Variants in DENND2B observed in about 807,000 individuals in gnomAD.
The protein encoded by DENND2B is DENN domain-containing protein 2B.
In DENND2B, 32 loss-of-function variants were observed where a neutral mutation model predicts 116.0. That is an observed-to-expected ratio of 0.28 (90% confidence interval 0.21 to 0.37). DENND2B has a LOEUF of 0.37. Ranked by LOEUF, DENND2B falls within the 10% of genes least tolerant of loss-of-function variation. The pLI is 1.00. For synonymous variants in DENND2B, 588 were observed against 583.9 expected, an observed-to-expected ratio of 1.01 and a Z score of -0.10; for missense variants, 1,276 against 1,477.7, an observed-to-expected ratio of 0.86 and a Z score of 2.24.
intron 1 of DENND2B, among the ~76,000 whole-genome samples, chr11:8,796,204 C>A (rs1417945054): frequency 6.6e-6 from 1 of 152,102 alleles, no homozygotes; most frequent in Non-Finnish European, 1.5e-5. Context: ...GAATCCCGGG[C>A]CTTCACTACT....
intron 2 of DENND2B, 33 bp from the exon 3 acceptor site, chr11:8,731,242 G>T (rs1369705002): frequency 1.4e-6 from 2 of 1,452,870 alleles, no homozygotes; most frequent in Non-Finnish European, 1.8e-6. Flanking sequence ...GAAAAGAAAA[G>T]AAAATGGCAG....
At chr11:8,813,231 T>C (rs960970315), upstream of DENND2B, among the ~76,000 whole-genome samples, 2 of 152,090 alleles carry the variant, frequency 1.3e-5, no homozygotes, top group Non-Finnish European at 2.9e-5. Flanking sequence ...TAGGAAAGTG[T>C]TATAAAATCC....
intron 3 of DENND2B, among the ~76,000 whole-genome samples, chr11:8,857,053 C>T (rs148107015): frequency 2.0e-5 from 3 of 152,198 alleles, no homozygotes; most frequent in Non-Finnish European, 4.4e-5. Flanking sequence ...GCACTTAGCC[C>T]CATCACTATT....
At chr11:8,790,394 C>T (rs1468065100) in intron 1 of DENND2B, among the ~76,000 whole-genome samples, 1 of 152,284 alleles carries the variant, frequency 6.6e-6, no homozygotes, top group African/African-American at 2.4e-5. Flanking sequence ...TATGTCTGTG[C>T]GCTGGTCCTG....
At chr11:8,770,851 G>A (rs1041838357) in intron 1 of DENND2B, among the ~76,000 whole-genome samples, 1 of 152,128 alleles carries the variant, frequency 6.6e-6, no homozygotes, top group Non-Finnish European at 1.5e-5. Context: ...CCACTGCACA[G>A]ACTCTATCTT....
intron 1 of DENND2B, among the ~76,000 whole-genome samples, chr11:8,762,226 G>A (rs569995162): frequency 6.6e-6 from 1 of 152,040 alleles, no homozygotes; most frequent in South Asian, 2.1e-4. Flanking sequence ...TTATAACTCT[G>A]GCCCCATTTC....
chr11:8,771,669 C>T (rs1369303205), intron 1 of DENND2B: 1 of 151,670 alleles, frequency 6.6e-6, no homozygotes, highest in African/African-American at 2.4e-5. Flanking sequence ...GTCCCTCTAC[C>T]ATACCTGAAT....
chr11:8,720,653 C>G (rs113898236), intron 4 of DENND2B, among the ~76,000 whole-genome samples: 2 of 152,232 alleles, frequency 1.3e-5, no homozygotes, highest in African/African-American at 4.8e-5. Flanking sequence ...CCTAACTCAT[C>G]TCTCAGCTTC....
chr11:8,710,786 CA>C, intron 11 of DENND2B, 58 bp downstream of exon 11: 117 of 1,485,812 alleles, frequency 7.9e-5, no homozygotes, highest in Non-Finnish European at 9.5e-5. Flanking sequence ...CACACACACA[CA>C]CACACACCCT....
intron 4 of DENND2B, among the ~76,000 whole-genome samples, chr11:8,825,377 T>C (rs2061938670): frequency 6.6e-6 from 1 of 152,180 alleles, no homozygotes; most frequent in Admixed American, 6.5e-5. Flanking sequence ...ATGGGTTTTT[T>C]TTTTCTTGTA....
chr11:8,890,585 G>A (rs1353729488), intron 1 of DENND2B, among the ~76,000 whole-genome samples: 3 of 152,170 alleles, frequency 2.0e-5, no homozygotes, highest in Non-Finnish European at 2.9e-5. Flanking sequence ...TGAGAACTAC[G>A]TGATGAATGC....
chr11:8,707,069 G>C lies in DENND2B; in HGVS notation c.2571+16C>G. The stretch of plus-strand genomic sequence containing the variant: ...CCAGCCCGTAGCCCGAGAGAAGAGG[G>C]TGCAGAAATCCCTACCTCATTGCCA... On this transcript the variant is annotated intron_variant, in intron 13 of 19. Transcript: ENST00000313726. This position sits in a 1 kb window ranked among gnomAD's most constrained non-coding sequence, Gnocchi z 4.8. The C allele has an allele frequency of 6.2e-7, 1 of 1,608,870 alleles. No homozygotes were observed. The highest frequency in any genetic ancestry group is 8.5e-7 in the Non-Finnish European group (1 of 1,176,788).
Position 8,696,788 on chromosome 11 carries a change from G to A in DENND2B, c.3053-122C>T, listed in dbSNP as rs1462006672. ...CCAGCCAGTACCACTCTTCTGTTCT[G>A]GAAGCTCTTTTTGAGACCGAGTTTC... On this transcript the variant is annotated intron_variant, in intron 17 of 19. Coordinates refer to ENST00000313726, the MANE Select transcript of DENND2B (RefSeq NM_213618.2). 2.1e-6 allele frequency: 3 copies of A among 1,455,182 alleles called. No homozygotes were observed. The East Asian group carries it at 6.9e-5, about 33-fold the overall frequency. The allele number at this position is 1,455,182 out of a possible 1,614,324, so 90.1% of individuals were successfully genotyped here.
At chr11:8,841,721 T>C (rs1043720341) in intron 3 of DENND2B, among the ~76,000 whole-genome samples, 11 of 152,214 alleles carry the variant, frequency 7.2e-5, no homozygotes, top group African/African-American at 2.7e-4. Context: ...ATTGGGTAAC[T>C]GGTAGCAGAT....
chr11:8,754,083 T>C (rs1305849860), intron 1 of DENND2B, among the ~76,000 whole-genome samples: 2 of 147,620 alleles, frequency 1.4e-5, no homozygotes, highest in South Asian at 2.2e-4. Context: ...AATTGTACTA[T>C]GTCAAAGAAA....
intron 8 of DENND2B, 114 bp downstream of exon 8, chr11:8,713,884 C>T: frequency 8.8e-7 from 1 of 1,137,696 alleles, no homozygotes. Flanking sequence ...TGTCTGTCAC[C>T]TCTCCACATC....
At chr11:8,699,189 C>CA in intron 15 of DENND2B, 24 bp downstream of exon 15, 1 of 1,541,552 alleles carries the variant, frequency 6.5e-7, no homozygotes, top group Non-Finnish European at 8.7e-7. Flanking sequence ...CCCTTCCCCC[C>CA]AGCTGGTTCC....
intron 1 of DENND2B, among the ~76,000 whole-genome samples, chr11:8,759,496 G>A (rs1201637512): frequency 2.6e-5 from 4 of 152,154 alleles, no homozygotes; most frequent in Non-Finnish European, 5.9e-5. Context: ...AACCACATGA[G>A]AGAATTTCTG....
At chr11:8,862,047 G>A (rs1038979802) in intron 2 of DENND2B, among the ~76,000 whole-genome samples, 3 of 151,888 alleles carry the variant, frequency 2.0e-5, no homozygotes, top group African/African-American at 7.3e-5. Context: ...AAGGGAGGGA[G>A]GGAGGGGAGA....
Sources: allele counts gnomAD v4.1 joint callset (sites outside exome capture counted in the v4.1 genomes callset), GRCh38; gene constraint gnomAD v4.1.1; non-coding constraint Gnocchi (gnomAD v3.1); transcripts MANE v1.5; gene names NCBI Gene and HGNC (gene_info 2026-07-23, HGNC 2026-07-21).